DCAKD: variants seen among roughly 807,000 people sequenced by gnomAD.
The protein encoded by DCAKD is dephospho-CoA kinase domain containing.
In DCAKD, 15 loss-of-function variants were observed where a neutral mutation model predicts 18.7. That is an observed-to-expected ratio of 0.80 (90% CI 0.54 to 1.24). DCAKD has a LOEUF of 1.24. Among genes scored for constraint, DCAKD ranks in the 50% most tolerant of loss-of-function variants. The pLI is 0.00. For missense variants in DCAKD, 301 were observed against 322.0 expected, an observed-to-expected ratio of 0.93 and a Z score of 0.50; for synonymous variants, 130 against 133.0, an observed-to-expected ratio of 0.98 and a Z score of 0.16.
At chr17:45,036,078 G>A (rs952856093) in intron 1 of DCAKD, among the ~76,000 whole-genome samples, 11 of 152,190 alleles carry the variant, frequency 7.2e-5, no homozygotes, top group African/African-American at 2.7e-4. Context: ...GGCGTCCTCA[G>A]ACCAAGCAGC....
upstream of DCAKD, among the ~76,000 whole-genome samples, chr17:45,053,241 G>GTTTT (rs761773614): frequency 1.9e-5 from 2 of 103,558 alleles, no homozygotes; most frequent in African/African-American, 7.5e-5. Flanking sequence ...AGTTGTTTTT[G>GTTTT]TTTTTTTTTT....
rs2053699999 is a variant in DCAKD, at chr17:45,051,628, G to A, written c.-382C>T. 1 of 150,822 alleles carries A rather than the reference G, an allele frequency of 6.6e-6. No individual in the cohort carries two copies. The highest frequency in any genetic ancestry group is 2.4e-5 in the African/African-American group (1 of 41,264). The allele number at this position is 150,822 out of a possible 1,614,324, so 9.3% of individuals were successfully genotyped here. On this transcript the variant is annotated 5_prime_UTR_variant, in exon 1 of 5. Transcript: ENST00000651974. ...GCGCTTACAGGCCGGCTCAGCGGGCGAGGCGGGACCTCGGGAGCGCGCGCC... is the reference window on the plus strand; with the variant it reads ...GCGCTTACAGGCCGGCTCAGCGGGCAAGGCGGGACCTCGGGAGCGCGCGCC...
At chr17:45,046,023 C>T (rs1247913911) in intron 1 of DCAKD, among the ~76,000 whole-genome samples, 1 of 151,906 alleles carries the variant, frequency 6.6e-6, no homozygotes, top group African/African-American at 2.4e-5. Context: ...GACGGGATTT[C>T]ACCACGTTGG....
intron 3 of DCAKD, chr17:45,031,960 A>G: frequency 1.0e-6 from 1 of 985,450 alleles, no homozygotes; most frequent in South Asian, 4.7e-5. Flanking sequence ...TATCGAGCTC[A>G]AAAGGGCTCT....
chr17:45,027,859 G>A (rs1320243413), intron 4 of DCAKD, among the ~76,000 whole-genome samples: 18 of 151,872 alleles, frequency 1.2e-4, no homozygotes, highest in East Asian at 3.9e-4. Context: ...GGTGGCGTGC[G>A]CCTGTAATCC....
At chr17:45,025,387 T>C (rs1397520641) in intron 4 of DCAKD, among the ~76,000 whole-genome samples, 1 of 152,178 alleles carries the variant, frequency 6.6e-6, no homozygotes, top group Non-Finnish European at 1.5e-5. Context: ...ACATGAGAAT[T>C]GGTCCCCCTT....
At chr17:45,036,076 C>T (rs148323264) in intron 1 of DCAKD, among the ~76,000 whole-genome samples, 5 of 152,302 alleles carry the variant, frequency 3.3e-5, no homozygotes, top group Non-Finnish European at 7.3e-5. Context: ...GTGGCGTCCT[C>T]AGACCAAGCA....
intron 3 of DCAKD, among the ~76,000 whole-genome samples, chr17:45,033,184 A>AATAAAATAAC (rs1401627141): frequency 6.6e-6 from 1 of 151,784 alleles, no homozygotes; most frequent in East Asian, 1.9e-4. Context: ...CATCTCTAAA[A>AATAAAATAAC]ATAAAATAAA....
intron 1 of DCAKD, among the ~76,000 whole-genome samples, chr17:45,050,758 TAATGTC>T (rs1474044054): frequency 6.6e-6 from 1 of 151,606 alleles, no homozygotes; most frequent in Non-Finnish European, 1.5e-5. Flanking sequence ...AATTGAGACT[TAATGTC>T]AAAGTTCACT....
At chr17:45,059,703 G>T (rs958519412) in intron 1 of DCAKD, among the ~76,000 whole-genome samples, 1 of 152,172 alleles carries the variant, frequency 6.6e-6, no homozygotes, top group Non-Finnish European at 1.5e-5. Flanking sequence ...AAAGAATTCA[G>T]AGGGCCTGGG....
chr17:45,060,924 C>T (rs1458829542), exon 1 of DCAKD: 3 of 690,324 alleles, frequency 4.3e-6, no homozygotes, highest in East Asian at 2.5e-4. Context: ...CAGCCAATAA[C>T]GGCTCCCAGC....
At chr17:45,055,048 C>A (rs1326241516), upstream of DCAKD, among the ~76,000 whole-genome samples, 3 of 152,168 alleles carry the variant, frequency 2.0e-5, no homozygotes, top group Non-Finnish European at 4.4e-5. Context: ...TGCTACAGGG[C>A]CTTCAACCCA....
intron 1 of DCAKD, among the ~76,000 whole-genome samples, chr17:45,044,570 T>TA (rs1236220384): frequency 2.0e-5 from 3 of 152,086 alleles, no homozygotes; most frequent in African/African-American, 4.8e-5. Context: ...CACGTGCCTG[T>TA]AGTCCCAGCT....
At chr17:45,034,679 C>G in intron 2 of DCAKD, 95 bp downstream of exon 2, 1 of 1,345,072 alleles carries the variant, frequency 7.4e-7, no homozygotes, top group South Asian at 1.3e-5. Flanking sequence ...GAGCCTTCCC[C>G]TCCTCTGAGA....
upstream of DCAKD, among the ~76,000 whole-genome samples, chr17:45,056,152 T>A (rs1339062865): frequency 1.0e-5 from 1 of 100,278 alleles, no homozygotes; most frequent in African/African-American, 4.4e-5. Flanking sequence ...CAAAGCTCCG[T>A]CTCAAAAAAA....
intron 1 of DCAKD, among the ~76,000 whole-genome samples, chr17:45,043,297 G>A (rs1264868189): frequency 1.3e-5 from 2 of 151,790 alleles, no homozygotes; most frequent in African/African-American, 4.8e-5. Flanking sequence ...TCATGGGGTC[G>A]TGTCAGGATT....
chr17:45,058,272 G>A (rs1444393901), intron 1 of DCAKD, among the ~76,000 whole-genome samples: 2 of 152,076 alleles, frequency 1.3e-5, no homozygotes, highest in Non-Finnish European at 1.5e-5. Context: ...CCGAGATTGC[G>A]CCATTGCACT....
chr17:45,039,692 C>A (rs2053383331), intron 1 of DCAKD, among the ~76,000 whole-genome samples: 1 of 152,234 alleles, frequency 6.6e-6, no homozygotes, highest in African/African-American at 2.4e-5. Context: ...TCAGTCCCCA[C>A]ACTTGTGAGT....
chr17:45,024,539 T>C lies in DCAKD; in HGVS notation c.590A>G (p.Glu197Gly), dbSNP rs1388339349. 2 of 1,614,052 alleles carry C rather than the reference T, an allele frequency of 1.2e-6. No homozygotes were observed. Among genetic ancestry groups the C allele is most frequent in the Admixed American group, 1.7e-5 (1 of 60,008 alleles). Residue 197 changes from glutamate to glycine, a missense_variant, in exon 5 of 5, where the codon GAG becomes GGG. Glu to Gly is a moderately conservative substitution (Grantham distance 98, BLOSUM62 -2). Coordinates refer to ENST00000651974, the MANE Select transcript of DCAKD (RefSeq NM_001288655.2). ...RQVILLHTEL[E>G]RSLEYLPLRF... ...CAGCGGCAGGTACTCCAGGGAGCGC[T>C]CCAGCTCAGTGTGCAAGAGGATGAC...
Sources: gnomAD v4.1 joint callset for allele counts (sites outside exome capture counted in the v4.1 genomes callset) on GRCh38, gnomAD v4.1.1 for gene constraint, MANE v1.5 for transcripts, NCBI Gene and HGNC (gene_info 2026-07-23, HGNC 2026-07-21) for gene names.